The following CYP39A1 variants were observed in gnomAD, a reference collection of about 807,000 sequenced individuals.
CYP39A1 encodes cytochrome P450 family 39 subfamily A member 1.
Under a neutral mutation model 58.1 loss-of-function variants are expected in CYP39A1, and 49 were observed. The ratio of observed to expected loss-of-function variants is 0.84; its 90% CI spans 0.67 to 1.07. The LOEUF (loss-of-function observed/expected upper bound fraction) is 1.07. Ranked by LOEUF, CYP39A1 falls within the 50% of genes least tolerant of loss-of-function variation. The pLI, the probability that CYP39A1 is intolerant of heterozygous loss-of-function variation, is 0.00. For missense variants in CYP39A1, 531 were observed against 539.4 expected (o/e 0.98, Z 0.16); for synonymous variants, 209 against 187.6 (o/e 1.11, Z -0.93).
chr6:46,629,370 T>C (rs1026998071), intron 6 of CYP39A1, among the ~76,000 whole-genome samples: 8 of 152,086 alleles, frequency 5.3e-5, no homozygotes, highest in Non-Finnish European at 7.4e-5. Context: ...ACTTTGAGAG[T>C]TGTTTTGATG....
chr6:46,614,418 C>T (rs1582402566), intron 7 of CYP39A1, among the ~76,000 whole-genome samples: 1 of 152,078 alleles, frequency 6.6e-6, no homozygotes, highest in Admixed American at 6.6e-5. Context: ...ACACAAGAAC[C>T]GGCTGGATTC....
chr6:46,565,414 GA>G (rs1419298064), intron 10 of CYP39A1, among the ~76,000 whole-genome samples: 3 of 149,656 alleles, frequency 2.0e-5, no homozygotes, highest in Non-Finnish European at 3.0e-5. Context: ...ATTAAATATA[GA>G]AAAAAAAGAA....
chr6:46,627,068 C>T (rs1162388079), intron 6 of CYP39A1, among the ~76,000 whole-genome samples: 1 of 152,090 alleles, frequency 6.6e-6, no homozygotes, highest in Non-Finnish European at 1.5e-5. Context: ...GCACATCTTA[C>T]ACGGTGGCAG....
rs981907710 is a variant in CYP39A1, at chr6:46,623,092, G to A, written c.931+2326C>T. Among the ~76,000 whole-genome samples, 6 of 152,136 alleles carry A rather than the reference G, an allele frequency of 3.9e-5. No individual in the cohort carries two copies. In the East Asian group the frequency reaches 7.7e-4, roughly 20 times the overall value. ...CCCAAGAAGGAAATGGTGATCTTGC[G>A]GGAGACAAGAGCATAGAACAGAAAA... On this transcript the variant is annotated intron_variant, in intron 7 of 11. Transcript: ENST00000275016.
intron 8 of CYP39A1, among the ~76,000 whole-genome samples, chr6:46,590,590 C>G (rs767289941): frequency 6.6e-6 from 1 of 152,066 alleles, no homozygotes; most frequent in African/African-American, 2.4e-5. Context: ...AGAGTATATT[C>G]TTTTGTATGA....
At chr6:46,555,177 T>G (rs554816014) in intron 10 of CYP39A1, among the ~76,000 whole-genome samples, 1 of 152,200 alleles carries the variant, frequency 6.6e-6, no homozygotes, top group Admixed American at 6.5e-5. Flanking sequence ...CTTGACACCA[T>G]GTGGCTCTAG....
chr6:46,609,013 C>G (rs749844034), intron 7 of CYP39A1, among the ~76,000 whole-genome samples: 1 of 152,028 alleles, frequency 6.6e-6, no homozygotes, highest in African/African-American at 2.4e-5. Context: ...TGACTTGTCT[C>G]TAAATGGAGA....
At chr6:46,565,456 T>C (rs759986475) in intron 10 of CYP39A1, among the ~76,000 whole-genome samples, 26 of 150,214 alleles carry the variant, frequency 1.7e-4, no homozygotes, top group Non-Finnish European at 3.4e-4. Context: ...GGGATAAGGG[T>C]AAGCTGAATG....
chr6:46,647,090 ACT>A (rs1166659266), intron 1 of CYP39A1, among the ~76,000 whole-genome samples: 1 of 147,010 alleles, frequency 6.8e-6, no homozygotes, highest in Admixed American at 6.7e-5. Context: ...GGCTTATTTT[ACT>A]CTGTTTATAA....
chr6:46,598,291 A>G (rs2150527553), intron 7 of CYP39A1, among the ~76,000 whole-genome samples: 1 of 152,320 alleles, frequency 6.6e-6, no homozygotes, highest in East Asian at 1.9e-4. Context: ...GCAAATCATT[A>G]GCTACATAAA....
intron 7 of CYP39A1, among the ~76,000 whole-genome samples, chr6:46,615,507 C>G (rs1165206434): frequency 2.0e-5 from 3 of 152,044 alleles, no homozygotes; most frequent in African/African-American, 4.8e-5. Context: ...CAATAATTAA[C>G]TAGAACACCT....
At chr6:46,551,321 T>C (rs1175368196) in intron 11 of CYP39A1, among the ~76,000 whole-genome samples, 1 of 149,224 alleles carries the variant, frequency 6.7e-6, no homozygotes, top group South Asian at 2.1e-4. Flanking sequence ...AGGGGATCCA[T>C]GCATTTTGTG....
intron 7 of CYP39A1, among the ~76,000 whole-genome samples, chr6:46,607,540 G>A (rs1320719813): frequency 6.6e-6 from 1 of 151,382 alleles, no homozygotes; most frequent in African/African-American, 2.4e-5. Context: ...ACATATAATT[G>A]TTTCTACAGC....
At chr6:46,615,245 TATC>T (rs1339646400) in intron 7 of CYP39A1, among the ~76,000 whole-genome samples, 2 of 151,102 alleles carry the variant, frequency 1.3e-5, no homozygotes, top group Admixed American at 6.6e-5. Context: ...AAATATATTA[TATC>T]ATTATGAACA....
rs1256191611 is a variant in CYP39A1 at position 46,549,750 on chromosome 6, G to A, written c.*616C>T. Reference sequence around the variant, plus strand: ...ATTGAATATACTCTGTAAAGAAGGTGCAATCCTGAGCATAATAAAGTGTAG... The same window carrying A: ...ATTGAATATACTCTGTAAAGAAGGTACAATCCTGAGCATAATAAAGTGTAG... On this transcript the variant is annotated 3_prime_UTR_variant, in exon 12 of 12. Coordinates refer to ENST00000275016, the MANE Select transcript of CYP39A1 (RefSeq NM_016593.5). 1.3e-5 allele frequency: 2 copies of A among 152,116 alleles called. No individual in the cohort carries two copies. The highest frequency in any genetic ancestry group is 2.9e-5 in the Non-Finnish European group (2 of 68,024). 9.4% of individuals were successfully genotyped at this position (152,116 alleles called of 1,614,324 possible).
intron 10 of CYP39A1, among the ~76,000 whole-genome samples, chr6:46,564,322 T>C (rs370667283): frequency 1.3e-5 from 2 of 151,834 alleles, no homozygotes; most frequent in East Asian, 3.9e-4. Flanking sequence ...GCCTCCCAAG[T>C]AGCTGGGATT....
Position 46,553,767 on chromosome 6 carries a change from C to T in CYP39A1, c.1338G>A (p.Gln446=). The T allele has an allele frequency of 6.3e-7, 1 of 1,596,858 alleles. No homozygotes were observed. Among genetic ancestry groups the T allele is most frequent in the African/African-American group, 1.3e-5 (1 of 74,592 alleles). The part of the protein sequence containing the change: ...DCSLLDPLPK[Q]SYLHLVGVPQ... ...TACTCAAAATTCTGAAAACACTTAC[C>T]TGTTTGGGTAATGGGTCCAGAAGAC... Residue 446 remains glutamine, a splice_region_variant and synonymous_variant, in exon 11 of 12, where the codon CAG becomes CAA. Transcript: ENST00000275016.
At chr6:46,578,632 T>C (rs1429641360) in intron 10 of CYP39A1, among the ~76,000 whole-genome samples, 1 of 151,438 alleles carries the variant, frequency 6.6e-6, no homozygotes, top group Non-Finnish European at 1.5e-5. Context: ...ACAGAAATAA[T>C]TTAAAAAACC....
chr6:46,561,936 TAGAC>T (rs761020158), intron 10 of CYP39A1, among the ~76,000 whole-genome samples: 29 of 152,284 alleles, frequency 1.9e-4, no homozygotes, highest in Non-Finnish European at 3.7e-4. Context: ...ACATTTCAGT[TAGAC>T]AGGAGGAATA....
Sources: allele counts gnomAD v4.1 joint callset (sites outside exome capture counted in the v4.1 genomes callset), GRCh38; gene constraint gnomAD v4.1.1; transcripts MANE v1.5; gene names NCBI Gene and HGNC (gene_info 2026-07-23, HGNC 2026-07-21).